Variants in GEMIN5 observed in about 807,000 individuals in gnomAD.
GEMIN5 encodes gem nuclear organelle associated protein 5.
Under a neutral mutation model 176.9 loss-of-function variants are expected in GEMIN5, and 124 were observed. The ratio of observed to expected loss-of-function variants is 0.70; its 90% CI spans 0.61 to 0.81. The LOEUF is 0.81. Ranked by LOEUF, GEMIN5 falls within the 40% of genes least tolerant of loss-of-function variation. The pLI is 0.00. For synonymous variants in GEMIN5, 673 were observed against 665.2 expected, an observed-to-expected ratio of 1.01 and a Z score of -0.18; for missense variants, 1,843 against 1,814.6, an observed-to-expected ratio of 1.02 and a Z score of -0.28.
chr5:154,919,586 A>T (rs1365782676), intron 11 of GEMIN5, among the ~76,000 whole-genome samples: 1 of 152,236 alleles, frequency 6.6e-6, no homozygotes, highest in African/African-American at 2.4e-5. Flanking sequence ...TTTGGATACT[A>T]TATTATTGTT....
At chr5:154,918,685 T>TA (rs1395251754) in intron 11 of GEMIN5, among the ~76,000 whole-genome samples, 1 of 152,196 alleles carries the variant, frequency 6.6e-6, no homozygotes, top group East Asian at 1.9e-4. Context: ...ATCAACAATA[T>TA]AACCCAATTT....
intron 17 of GEMIN5, among the ~76,000 whole-genome samples, chr5:154,904,830 A>C (rs1185088320): frequency 1.3e-5 from 2 of 152,214 alleles, no homozygotes. Context: ...GCTAACATTT[A>C]TGATGTAGTG....
Position 154,902,569 on chromosome 5 carries a change from T to C in GEMIN5, c.2836A>G (p.Thr946Ala), listed in dbSNP as rs1414659487. Residue 946 changes from threonine (T) to alanine (A), a missense_variant, in exon 20 of 28, where the codon ACA becomes GCA. Coordinates refer to ENST00000285873, the MANE Select transcript of GEMIN5 (RefSeq NM_015465.5). Reference protein sequence around the residue: ...LQTAAERGELTDNLVAMAPAA... With the variant: ...LQTAAERGELADNLVAMAPAA... ...GGTGCCATAGCCACAAGGTTGTCTG[T>C]CAGCTCCCCTCTTTCTGCTGCAGTC... 10 of 1,614,024 alleles carry C rather than the reference T, an allele frequency of 6.2e-6. No individual in the cohort carries two copies. The highest frequency in any genetic ancestry group is 1.7e-5 in the Admixed American group (1 of 60,000).
chr5:154,929,460 C>G (rs990565778), intron 5 of GEMIN5, among the ~76,000 whole-genome samples: 15 of 152,144 alleles, frequency 9.9e-5, no homozygotes, highest in Non-Finnish European at 2.9e-5. Flanking sequence ...TTCTAATCAC[C>G]GTTTTTTAAG....
In GEMIN5 at chr5:154,891,376, TCAG is replaced by T; in HGVS notation, c.4124_4126del (p.Ala1375del). 3 of 1,614,170 alleles carry T rather than the reference TCAG, an allele frequency of 1.9e-6. No homozygotes were observed. The Admixed American group carries it at 5.0e-5, about 27-fold the overall frequency. On this transcript the variant is annotated inframe_deletion, in exon 26 of 28. Coordinates refer to ENST00000285873, the MANE Select transcript of GEMIN5 (RefSeq NM_015465.5). ...CATTTCTGCCAAGGTCTCTTGGACTTCAGCAACAGTTCTCTGTGAGTTTTGGAG... is the reference window on the plus strand; with the variant it reads ...CATTTCTGCCAAGGTCTCTTGGACTTCAACAGTTCTCTGTGAGTTTTGGAG...
intron 5 of GEMIN5, among the ~76,000 whole-genome samples, chr5:154,930,232 C>T (rs150433886): frequency 3.9e-5 from 6 of 152,286 alleles, no homozygotes; most frequent in East Asian, 1.9e-4. Context: ...TTAGCCTGTG[C>T]GGTCTAACCC....
At position 154,896,273 on chromosome 5, in the gene GEMIN5, C is replaced by T. The variant is rs1415589616; in HGVS notation, c.3416G>A (p.Gly1139Asp). 6.2e-7 allele frequency: 1 copy of T among 1,612,644 alleles called. No homozygotes were observed. Among genetic ancestry groups the T allele is most frequent in the African/African-American group, 1.3e-5 (1 of 74,916 alleles). Residue 1139 changes from glycine (G) to aspartate (D), a missense_variant, in exon 24 of 28, where the codon GGC (glycine) becomes GAC (aspartate). By Grantham distance (94) the Gly-to-Asp change is moderately conservative. Transcript: ENST00000285873. Reference protein sequence around the residue: ...RHLEEKQLSEGKSSSSYHTWN... With the variant: ...RHLEEKQLSEDKSSSSYHTWN... ...AGTGTGGTAAGAGGAGGAGCTTTTGCCCTCTGAAAGCTGCTTTTCCTCCAG... is the reference window on the plus strand; with the variant it reads ...AGTGTGGTAAGAGGAGGAGCTTTTGTCCTCTGAAAGCTGCTTTTCCTCCAG...
chr5:154,912,288 CCTT>C (rs1763718469), intron 14 of GEMIN5, among the ~76,000 whole-genome samples: 4 of 152,180 alleles, frequency 2.6e-5, no homozygotes, highest in Admixed American at 2.6e-4. Flanking sequence ...GTCTCCAACT[CCTT>C]GAGTAATTGG....
chr5:154,893,918 A>T (rs1483101304), intron 24 of GEMIN5, among the ~76,000 whole-genome samples: 1 of 151,862 alleles, frequency 6.6e-6, no homozygotes, highest in East Asian at 1.9e-4. Flanking sequence ...TAACACCGAT[A>T]TTATTTGTGT....
At chr5:154,933,029 G>A (rs1402045119) in intron 3 of GEMIN5, among the ~76,000 whole-genome samples, 2 of 152,184 alleles carry the variant, frequency 1.3e-5, no homozygotes, top group Non-Finnish European at 2.9e-5. Flanking sequence ...AAAAGAAACT[G>A]AGAAATTCTA....
intron 14 of GEMIN5, 114 bp from the exon 15 acceptor site, chr5:154,912,012 T>G: frequency 2.2e-6 from 2 of 918,430 alleles, no homozygotes; most frequent in Non-Finnish European, 3.2e-6. Context: ...TGCGGCCTCT[T>G]ATTTCCTCAG....
In GEMIN5 at chr5:154,927,520, T is replaced by A. The variant is rs199746622; in HGVS notation, c.945A>T (p.Gln315His). 4 of 1,610,160 alleles carry A rather than the reference T, an allele frequency of 2.5e-6. No individual in the cohort carries two copies. Among genetic ancestry groups the A allele is most frequent in the Non-Finnish European group, 3.4e-6 (4 of 1,176,732 alleles). The change falls in exon 7 of 28, where the codon CAA becomes CAT. Residue 315 changes from glutamine to histidine, a missense_variant. By Grantham distance (24) the Gln-to-His change is conservative (BLOSUM62 0). Transcript: ENST00000285873. Reference sequence around the variant, plus strand: ...AGAGGGTGTATTTCCGTCTCCAAGATTGAGTGAGATCCCATTGCAACAGTT... The same window carrying A: ...AGAGGGTGTATTTCCGTCTCCAAGAATGAGTGAGATCCCATTGCAACAGTT... ...GGELLQWDLT[Q>H]SWRRKYTLFS...
chr5:154,902,606 T>C lies in GEMIN5; in HGVS notation c.2799A>G (p.Lys933=). ...HQLMLWKGDL[K]GVLQTAAERG... Reference sequence around the variant, plus strand: ...TTTCTGCTGCAGTCTGGAGAACACCTTTGAGATCTCCTTTCCAAAGCATAA... The same window carrying C: ...TTTCTGCTGCAGTCTGGAGAACACCCTTGAGATCTCCTTTCCAAAGCATAA... The change falls in exon 20 of 28, where the codon AAA becomes AAG. Residue 933 remains lysine, a synonymous_variant. Coordinates refer to ENST00000285873, the MANE Select transcript of GEMIN5 (RefSeq NM_015465.5). The C allele has an allele frequency of 6.2e-7, 1 of 1,613,560 alleles. No individual in the cohort carries two copies. The highest frequency in any genetic ancestry group is 8.5e-7 in the Non-Finnish European group (1 of 1,179,424).
At chr5:154,903,026 A>T (rs1763496937) in intron 19 of GEMIN5, 54 bp downstream of exon 19, 1 of 1,165,544 alleles carries the variant, frequency 8.6e-7, no homozygotes. Flanking sequence ...GTGCACACAA[A>T]ATGTTGGGAA....
At chr5:154,901,852 C>T (rs1349009214) in intron 20 of GEMIN5, among the ~76,000 whole-genome samples, 2 of 151,506 alleles carry the variant, frequency 1.3e-5, no homozygotes, top group South Asian at 2.1e-4. Context: ...CAGGCTGGAG[C>T]GCAGTAGCAC....
intron 15 of GEMIN5, 29 bp downstream of exon 15, chr5:154,911,698 A>T: frequency 1.2e-5 from 19 of 1,579,470 alleles, no homozygotes; most frequent in Non-Finnish European, 1.6e-5. Context: ...GGAGAAAAAG[A>T]ATTAGATAAG....
At chr5:154,906,638 T>C (rs923388588) in intron 16 of GEMIN5, among the ~76,000 whole-genome samples, 1 of 152,102 alleles carries the variant, frequency 6.6e-6, no homozygotes, top group African/African-American at 2.4e-5. Flanking sequence ...CTCAAGCGGT[T>C]CTCCTGCCTC....
chr5:154,927,567 T>C lies in GEMIN5; in HGVS notation c.915-17A>G. 1 of 1,564,538 alleles carries C rather than the reference T, an allele frequency of 6.4e-7. No homozygotes were observed. The highest frequency in any genetic ancestry group is 1.1e-5 in the South Asian group (1 of 87,546). On this transcript the variant is annotated splice_polypyrimidine_tract_variant and intron_variant, in intron 6 of 27. Transcript: ENST00000285873. The stretch of plus-strand genomic sequence containing the variant: ...AGTTCACCTCTGTGAAGGAAAAACA[T>C]AAGCATTAGTTCTTTTACAAACGAT...
Position 154,926,019 on chromosome 5 carries a change from C to T in GEMIN5, c.1136G>A (p.Gly379Asp), listed in dbSNP as rs770367425. Residue 379 changes from glycine to aspartate, a missense_variant, in exon 8 of 28, where the codon GGT becomes GAT. Transcript: ENST00000285873. ...LECSWTLPSL[G>D]GFAYSLAFSS... ...GAAAGCCAGGCTGTATGCAAACCCA[C>T]CAAGGGAAGGAAGGGTCCAGCTGCA... The T allele has an allele frequency of 1.9e-6, 3 of 1,613,778 alleles. No individual in the cohort carries two copies. The highest frequency in any genetic ancestry group is 2.5e-6 in the Non-Finnish European group (3 of 1,179,788).
Sources: gnomAD v4.1 joint callset for allele counts (sites outside exome capture counted in the v4.1 genomes callset) on GRCh38, gnomAD v4.1.1 for gene constraint, MANE v1.5 for transcripts, NCBI Gene and HGNC (gene_info 2026-07-23, HGNC 2026-07-21) for gene names.